LKAAEAR1: variants seen among roughly 807,000 people sequenced by gnomAD.
LKAAEAR1 encodes LKAAEAR motif containing 1.
Under a neutral mutation model 16.5 loss-of-function variants are expected in LKAAEAR1, and 19 were observed. The observed-to-expected ratio is 1.15, with a 90% CI of 0.80 to 1.69. LKAAEAR1 has a LOEUF of 1.69. Ranked by LOEUF, LKAAEAR1 falls within the 40% of genes most tolerant of loss-of-function variation. The pLI, the probability that LKAAEAR1 is intolerant of heterozygous loss-of-function variation, is 0.00. For missense variants in LKAAEAR1, 304 were observed against 315.8 expected, an observed-to-expected ratio of 0.96 and a Z score of 0.28; for synonymous variants, 124 against 152.7, an observed-to-expected ratio of 0.81 and a Z score of 1.39.
Position 64,083,692 on chromosome 20 carries a change from G to T in LKAAEAR1, c.416C>A (p.Ala139Glu). Residue 139 changes from alanine (A) to glutamate (E), a missense_variant, in exon 2 of 3, where the codon GCG becomes GAG. Physicochemically the swap from Ala to Glu is moderately radical, Grantham distance 107. Transcript: ENST00000302096. The surrounding 1 kb of genome is among the most constrained non-coding windows in gnomAD (Gnocchi z 4.9). ...GGACTTCTGCCGCTGGATGAGCAGC[G>T]CGATCTCCTCGGCCTGCGGGGCCCG... ...RYTRMRAEEIALLIQRQKSAR... is the reference protein window; with the variant it reads ...RYTRMRAEEIELLIQRQKSAR... 7.1e-7 allele frequency: 1 copy of T among 1,410,188 alleles called. No homozygotes were observed. The highest frequency in any genetic ancestry group is 9.2e-7 in the Non-Finnish European group (1 of 1,090,328). The allele number at this position is 1,410,188 out of a possible 1,614,324, so 87.4% of individuals were successfully genotyped here. A position where few individuals can be genotyped will look rare whatever the true frequency, so the allele number is the denominator to read the frequency against.
chr20:64,083,933 C>A lies in LKAAEAR1; in HGVS notation c.287G>T (p.Trp96Leu), dbSNP rs975865829. ...GGCGGGCAGCTCGAGCGACTGCGTC[C>A]ACGGGCGCGGGTCGGGCATGCGGTA... ...PGYRMPDPRP[W>L]TQSLELPAER... Residue 96 changes from tryptophan (W) to leucine (L), a missense_variant, in exon 1 of 3, where the codon TGG (tryptophan) becomes TTG (leucine). Coordinates refer to ENST00000302096, the MANE Select transcript of LKAAEAR1 (RefSeq NM_001353425.2). This position sits in a 1 kb window ranked among gnomAD's most constrained non-coding sequence, Gnocchi z 4.9. The A allele has an allele frequency of 1.8e-5, 26 of 1,456,104 alleles. No homozygotes were observed. The highest frequency in any genetic ancestry group is 2.3e-5 in the Non-Finnish European group (26 of 1,109,394). 90.2% of individuals were successfully genotyped at this position (1,456,104 alleles called of 1,614,324 possible).
In LKAAEAR1 at chr20:64,083,506, A is replaced by G; in HGVS notation, c.526-12T>C. 6.3e-7 allele frequency: 1 copy of G among 1,584,598 alleles called. No homozygotes were observed. The highest frequency in any genetic ancestry group is 8.6e-7 in the Non-Finnish European group (1 of 1,166,672). Reference sequence around the variant, plus strand: ...TCCACGCGCCTCCGCTGCCGGGGAGAGAGGCTGGGGTCCGGCGTGTGCGGA... The same window carrying G: ...TCCACGCGCCTCCGCTGCCGGGGAGGGAGGCTGGGGTCCGGCGTGTGCGGA... On this transcript the variant is annotated splice_polypyrimidine_tract_variant and intron_variant, in intron 2 of 2. Coordinates refer to ENST00000302096, the MANE Select transcript of LKAAEAR1 (RefSeq NM_001353425.2). The surrounding 1 kb of genome is among the most constrained non-coding windows in gnomAD (Gnocchi z 4.9).
In LKAAEAR1 at chr20:64,084,186, C is replaced by G; in HGVS notation, c.34G>C (p.Gly12Arg). The G allele has an allele frequency of 6.9e-7, 1 of 1,446,450 alleles. No individual in the cohort carries two copies. The highest frequency in any genetic ancestry group is 1.4e-5 in the South Asian group (1 of 73,220). 89.6% of individuals were successfully genotyped at this position (1,446,450 alleles called of 1,614,324 possible). A position where few individuals can be genotyped will look rare whatever the true frequency, so the allele number is the denominator to read the frequency against. Reference sequence around the variant, plus strand: ...CTCTTCCCGCTTCGCTCCCGCGGGCCCTTGCGCCCGCCCTCCTTCGCTGGC... The same window carrying G: ...CTCTTCCCGCTTCGCTCCCGCGGGCGCTTGCGCCCGCCCTCCTTCGCTGGC... ...PPPAKEGGRK[G>R]PRERSGKSAP... is the part of the protein sequence containing the mutation. Residue 12 changes from glycine (G) to arginine (R), a missense_variant, in exon 1 of 3, where the codon GGC (glycine) becomes CGC (arginine). By Grantham distance (125) the Gly-to-Arg change is moderately radical (BLOSUM62 -2). Coordinates refer to ENST00000302096, the MANE Select transcript of LKAAEAR1 (RefSeq NM_001353425.2).
At position 64,084,157 on chromosome 20, in the gene LKAAEAR1, C is replaced by T. The variant is rs746750551; in HGVS notation, c.63G>A (p.Ala21=). 5 of 1,454,294 alleles carry T rather than the reference C, an allele frequency of 3.4e-6. No individual in the cohort carries two copies. In the South Asian group the frequency reaches 5.4e-5, roughly 16 times the overall value. 90.1% of individuals were successfully genotyped at this position (1,454,294 alleles called of 1,614,324 possible). A position where few individuals can be genotyped will look rare whatever the true frequency, so the allele number is the denominator to read the frequency against. ...GCTCCTCACCCTGCGCCGTGCCTGG[C>T]GCGCTCTTCCCGCTTCGCTCCCGCG... ...KGPRERSGKS[A]PGTAQGEERA... Residue 21 remains alanine (A), a synonymous_variant, in exon 1 of 3, where the codon GCG becomes GCA. Coordinates refer to ENST00000302096, the MANE Select transcript of LKAAEAR1 (RefSeq NM_001353425.2).
At position 64,084,058 on chromosome 20, in the gene LKAAEAR1, C is replaced by A; in HGVS notation, c.162G>T (p.Met54Ile). The change falls in exon 1 of 3, where the codon ATG (methionine) becomes ATT (isoleucine). Residue 54 changes from methionine (M) to isoleucine (I), a missense_variant. Coordinates refer to ENST00000302096, the MANE Select transcript of LKAAEAR1 (RefSeq NM_001353425.2). ...WALTPQGLAA[M>I]LPAQRHRHLL... Reference sequence around the variant, plus strand: ...GATGGCGGTGGCGCTGCGCAGGGAGCATGGCCGCCAGTCCCTGCGGCGTCA... The same window carrying A: ...GATGGCGGTGGCGCTGCGCAGGGAGAATGGCCGCCAGTCCCTGCGGCGTCA... 6.7e-7 allele frequency: 1 copy of A among 1,498,860 alleles called. No individual in the cohort carries two copies. The allele number at this position is 1,498,860 out of a possible 1,614,324, so 92.8% of individuals were successfully genotyped here.
chr20:64,083,735 C>T lies in LKAAEAR1; in HGVS notation c.403-30G>A. 1 of 1,348,488 alleles carries T rather than the reference C, an allele frequency of 7.4e-7. No individual in the cohort carries two copies. Among genetic ancestry groups the T allele is most frequent in the Non-Finnish European group, 9.5e-7 (1 of 1,057,258 alleles). 83.5% of individuals were successfully genotyped at this position (1,348,488 alleles called of 1,614,324 possible). On this transcript the variant is annotated intron_variant, in intron 1 of 2. Coordinates refer to ENST00000302096, the MANE Select transcript of LKAAEAR1 (RefSeq NM_001353425.2). The surrounding 1 kb of genome is among the most constrained non-coding windows in gnomAD (Gnocchi z 4.9). The stretch of plus-strand genomic sequence containing the variant: ...GGGGCCCGGGTAGCTGAGCGCGCGC[C>T]GAGCCCCGCCCCGCCCCGCCCCGGC...
chr20:64,084,169 G>A lies in LKAAEAR1; in HGVS notation c.51C>T (p.Ser17=). Reference sequence around the variant, plus strand: ...GCGCCGTGCCTGGCGCGCTCTTCCCGCTTCGCTCCCGCGGGCCCTTGCGCC... The same window carrying A: ...GCGCCGTGCCTGGCGCGCTCTTCCCACTTCGCTCCCGCGGGCCCTTGCGCC... ...EGGRKGPRER[S]GKSAPGTAQG... Residue 17 remains serine (S), a synonymous_variant, in exon 1 of 3, where the codon AGC becomes AGT. Coordinates refer to ENST00000302096, the MANE Select transcript of LKAAEAR1 (RefSeq NM_001353425.2). 1.4e-6 allele frequency: 2 copies of A among 1,451,824 alleles called. No homozygotes were observed. Among genetic ancestry groups the A allele is most frequent in the South Asian group, 1.3e-5 (1 of 74,278 alleles). The allele number at this position is 1,451,824 out of a possible 1,614,324, so 89.9% of individuals were successfully genotyped here.
upstream of LKAAEAR1, among the ~76,000 whole-genome samples, chr20:64,084,585 G>T (rs1016522120): frequency 6.6e-6 from 1 of 152,238 alleles, no homozygotes; most frequent in African/African-American, 2.4e-5. Flanking sequence ...AGAGCTCTAG[G>T]TGACGCCTGG....
chr20:64,084,142 C>G lies in LKAAEAR1; in HGVS notation c.78G>C (p.Gln26His). Residue 26 changes from glutamine (Q) to histidine (H), a missense_variant, in exon 1 of 3, where the codon CAG becomes CAC. Gln to His is a conservative substitution (Grantham distance 24). Transcript: ENST00000302096. ...RSGKSAPGTA[Q>H]GEERAKGAPA... is the part of the protein sequence containing the mutation. ...GCGCCCCCTTGGCACGCTCCTCACC[C>G]TGCGCCGTGCCTGGCGCGCTCTTCC... 10 of 1,460,114 alleles carry G rather than the reference C, an allele frequency of 6.8e-6. No homozygotes were observed. The highest frequency in any genetic ancestry group is 9.0e-6 in the Non-Finnish European group (10 of 1,114,250). The allele number at this position is 1,460,114 out of a possible 1,614,324, so 90.4% of individuals were successfully genotyped here.
upstream of LKAAEAR1, chr20:64,084,498 C>T: frequency 5.3e-6 from 4 of 759,538 alleles, no homozygotes; most frequent in South Asian, 1.8e-4. Context: ...AATATCTTTC[C>T]TACCCGATGG....
chr20:64,083,732 C>T lies in LKAAEAR1; in HGVS notation c.403-27G>A. The stretch of plus-strand genomic sequence containing the variant: ...TGCGGGGCCCGGGTAGCTGAGCGCG[C>T]GCCGAGCCCCGCCCCGCCCCGCCCC... On this transcript the variant is annotated intron_variant, in intron 1 of 2. Coordinates refer to ENST00000302096, the MANE Select transcript of LKAAEAR1 (RefSeq NM_001353425.2). This position sits in a 1 kb window ranked among gnomAD's most constrained non-coding sequence, Gnocchi z 4.9. The T allele has an allele frequency of 7.4e-7, 1 of 1,348,470 alleles. No individual in the cohort carries two copies. Among genetic ancestry groups the T allele is most frequent in the Non-Finnish European group, 9.5e-7 (1 of 1,057,158 alleles). 83.5% of individuals were successfully genotyped at this position (1,348,470 alleles called of 1,614,324 possible). A position where few individuals can be genotyped will look rare whatever the true frequency, so the allele number is the denominator to read the frequency against.
At chr20:64,084,632 A>G (rs935086978), upstream of LKAAEAR1, among the ~76,000 whole-genome samples, 2 of 152,132 alleles carry the variant, frequency 1.3e-5, no homozygotes, top group Non-Finnish European at 2.9e-5. Flanking sequence ...GCGGTCCCCG[A>G]CAGTCAGGGT....
chr20:64,084,126 T>C lies in LKAAEAR1; in HGVS notation c.94A>G (p.Lys32Glu). ...PGTAQGEERA[K>E]GAPATEPPKP... ...GGGGGCTCTGTCGCGGGCGCCCCCT[T>C]GGCACGCTCCTCACCCTGCGCCGTG... The change falls in exon 1 of 3, where the codon AAG becomes GAG. Residue 32 changes from lysine (K) to glutamate (E), a missense_variant. Transcript: ENST00000302096. The C allele has an allele frequency of 6.8e-7, 1 of 1,470,848 alleles. No individual in the cohort carries two copies. The highest frequency in any genetic ancestry group is 8.9e-7 in the Non-Finnish European group (1 of 1,118,866). The allele number at this position is 1,470,848 out of a possible 1,614,324, so 91.1% of individuals were successfully genotyped here.
Position 64,084,358 on chromosome 20 carries a change from A to C in LKAAEAR1, c.-139T>G. On this transcript the variant is annotated 5_prime_UTR_variant, in exon 1 of 3. Coordinates refer to ENST00000302096, the MANE Select transcript of LKAAEAR1 (RefSeq NM_001353425.2). ...CTCCGCAGTCGGTTTTGAGTTCCGC[A>C]CCCCCAGCCTCTGAGCTTTGCCCAG... 7.8e-7 allele frequency: 1 copy of C among 1,281,448 alleles called. No individual in the cohort carries two copies. Among genetic ancestry groups the C allele is most frequent in the South Asian group, 2.5e-5 (1 of 39,860 alleles). The allele number at this position is 1,281,448 out of a possible 1,614,324, so 79.4% of individuals were successfully genotyped here.
At chr20:64,084,464 T>C, upstream of LKAAEAR1, 1 of 1,022,414 alleles carries the variant, frequency 9.8e-7, no homozygotes, top group Non-Finnish European at 1.2e-6. Flanking sequence ...CAACTAGGAC[T>C]TTCTGATCAA....
rs555074600 is a variant in LKAAEAR1 at position 64,084,065 on chromosome 20, G to A, written c.155C>T (p.Ala52Val). ...GTGGCGCTGCGCAGGGAGCATGGCC[G>A]CCAGTCCCTGCGGCGTCAGGGCCCA... ...PGWALTPQGLAAMLPAQRHRH... is the reference protein window; with the variant it reads ...PGWALTPQGLVAMLPAQRHRH... The change falls in exon 1 of 3, where the codon GCG becomes GTG. Residue 52 changes from alanine (A) to valine (V), a missense_variant. Transcript: ENST00000302096. 4.2e-4 allele frequency: 632 copies of A among 1,497,276 alleles called. No homozygotes were observed. Among genetic ancestry groups the A allele is most frequent in the Middle Eastern group, 1.8e-3 (8 of 4,418 alleles). The allele number at this position is 1,497,276 out of a possible 1,614,324, so 92.7% of individuals were successfully genotyped here.
rs1315286829 is a variant in LKAAEAR1 at position 64,084,342 on chromosome 20, C to A, written c.-123G>T. 2.3e-6 allele frequency: 3 copies of A among 1,288,126 alleles called. No homozygotes were observed. Among genetic ancestry groups the A allele is most frequent in the Admixed American group, 4.3e-5 (1 of 23,400 alleles). The allele number at this position is 1,288,126 out of a possible 1,614,324, so 79.8% of individuals were successfully genotyped here. A position where few individuals can be genotyped will look rare whatever the true frequency, so the allele number is the denominator to read the frequency against. On this transcript the variant is annotated 5_prime_UTR_variant, in exon 1 of 3. Transcript: ENST00000302096. ...TCCCGCCCGCTGGGCTCTCCGCAGT[C>A]GGTTTTGAGTTCCGCACCCCCAGCC... is the stretch of plus-strand genomic sequence containing the variant.
At position 64,083,421 on chromosome 20, in the gene LKAAEAR1, A is replaced by G; in HGVS notation, c.*14T>C. ...TGTGGGAGGCTGGGGCGCGTCGCACACTCTCAGTCGCCGTCACCGCGGGAA... is the reference window on the plus strand; with the variant it reads ...TGTGGGAGGCTGGGGCGCGTCGCACGCTCTCAGTCGCCGTCACCGCGGGAA... On this transcript the variant is annotated 3_prime_UTR_variant, in exon 3 of 3. Transcript: ENST00000302096. The surrounding 1 kb of genome is among the most constrained non-coding windows in gnomAD (Gnocchi z 4.9). 6.2e-7 allele frequency: 1 copy of G among 1,610,970 alleles called. No homozygotes were observed. Among genetic ancestry groups the G allele is most frequent in the South Asian group, 1.1e-5 (1 of 90,982 alleles).
rs2060012202 is a variant in LKAAEAR1, at chr20:64,084,134, TCCTCACCCTGCGCCGTG to T, written c.69_85del (p.Thr24AlafsTer183). On this transcript the variant is annotated frameshift_variant, in exon 1 of 3. Transcript: ENST00000302096. LOFTEE classifies it high-confidence loss of function. ...TGTCGCGGGCGCCCCCTTGGCACGC[TCCTCACCCTGCGCCGTG>T]CCTGGCGCGCTCTTCCCGCTTCGCT... 6.8e-7 allele frequency: 1 copy of T among 1,467,606 alleles called. No individual in the cohort carries two copies. The highest frequency in any genetic ancestry group is 1.5e-5 in the African/African-American group (1 of 67,916). 90.9% of individuals were successfully genotyped at this position (1,467,606 alleles called of 1,614,324 possible).
Sources: gnomAD v4.1 joint callset for allele counts (sites outside exome capture counted in the v4.1 genomes callset) on GRCh38, gnomAD v4.1.1 for gene constraint, Gnocchi (gnomAD v3.1) non-coding constraint, MANE v1.5 for transcripts, NCBI Gene and HGNC (gene_info 2026-07-23, HGNC 2026-07-21) for gene names.